The following SOD2 variants were observed in gnomAD, a reference collection of about 807,000 sequenced individuals.
SOD2 encodes the protein superoxide dismutase [Mn], mitochondrial.
Under a neutral mutation model 27.0 loss-of-function variants are expected in SOD2, and 11 were observed. That is an observed-to-expected ratio of 0.41 (90% confidence interval 0.26 to 0.67). The LOEUF (loss-of-function observed/expected upper bound fraction) is 0.67, where lower values mean the gene tolerates loss of function less well. Among genes scored for constraint, SOD2 ranks in the 30% least tolerant of loss-of-function variants. The pLI is 0.34. For missense variants in SOD2, 250 were observed against 274.5 expected (o/e 0.91, Z 0.63); for synonymous variants, 105 against 103.0 (o/e 1.02, Z -0.12).
At chr6:159,714,069 A>G (rs1283492316) in intron 1 of SOD2, 1 of 616,206 alleles carries the variant, frequency 1.6e-6, no homozygotes, top group Non-Finnish European at 3.0e-6. Flanking sequence ...TCTGCCTTCA[A>G]ATGGGCTATA....
intron 2 of SOD2, among the ~76,000 whole-genome samples, chr6:159,689,442 T>G (rs1303945906): frequency 6.6e-6 from 1 of 152,282 alleles, no homozygotes; most frequent in South Asian, 2.1e-4. Flanking sequence ...GTAGGCAAAA[T>G]AAAATAGTCT....
chr6:159,746,869 G>A (rs978541059), upstream of SOD2, among the ~76,000 whole-genome samples: 1 of 152,146 alleles, frequency 6.6e-6, no homozygotes, highest in African/African-American at 2.4e-5. Flanking sequence ...GAATGAAAGT[G>A]TTGACTATTG....
intron 1 of SOD2, among the ~76,000 whole-genome samples, chr6:159,698,882 C>G (rs1777477275): frequency 7.3e-6 from 1 of 137,166 alleles, no homozygotes; most frequent in Admixed American, 8.5e-5. Flanking sequence ...CTTCATCCTC[C>G]TCATCTTTAT....
intron 1 of SOD2, among the ~76,000 whole-genome samples, chr6:159,710,872 C>T (rs1014239560): frequency 6.7e-6 from 1 of 148,650 alleles, no homozygotes; most frequent in Admixed American, 6.8e-5. Context: ...CACTCAGCTG[C>T]TCTGACCTCC....
chr6:159,684,587 A>T (rs1423022828), intron 4 of SOD2, among the ~76,000 whole-genome samples: 2 of 152,364 alleles, frequency 1.3e-5, no homozygotes, highest in East Asian at 3.9e-4. Context: ...ACTGCACTCC[A>T]GCCTGGGCAA....
At chr6:159,710,613 C>T (rs888678479) in intron 1 of SOD2, among the ~76,000 whole-genome samples, 5 of 152,086 alleles carry the variant, frequency 3.3e-5, no homozygotes, top group Non-Finnish European at 7.4e-5. Flanking sequence ...TTTAGTGCTC[C>T]TTCTCTACCT....
Position 159,678,899 on chromosome 6 carries a change from C to T in SOD2, c.*3594G>A, listed in dbSNP as rs967871770. ...AGTATTGAGTGGTATGTGACAACAG[C>T]AAAAACACTTTGGTTTTGTCGTATA... On this transcript the variant is annotated 3_prime_UTR_variant, in exon 5 of 5. Transcript: ENST00000538183. The T allele has an allele frequency of 5.3e-5, 8 of 152,158 alleles. No individual in the cohort carries two copies. Among genetic ancestry groups the T allele is most frequent in the African/African-American group, 1.9e-4 (8 of 41,442 alleles). The allele number at this position is 152,158 out of a possible 1,614,324, so 9.4% of individuals were successfully genotyped here.
At chr6:159,700,815 G>A (rs922435047) in intron 1 of SOD2, among the ~76,000 whole-genome samples, 5 of 152,050 alleles carry the variant, frequency 3.3e-5, no homozygotes, top group Non-Finnish European at 7.4e-5. Context: ...TCTGGTCTCT[G>A]GGACATAACA....
At chr6:159,703,732 A>G (rs886823409) in intron 1 of SOD2, among the ~76,000 whole-genome samples, 8 of 152,244 alleles carry the variant, frequency 5.3e-5, no homozygotes, top group Admixed American at 5.2e-4. Context: ...TTTATGGGGT[A>G]CAAGAGCAAC....
intron 1 of SOD2, among the ~76,000 whole-genome samples, chr6:159,754,842 CT>C (rs1457474382): frequency 6.6e-6 from 1 of 152,116 alleles, no homozygotes; most frequent in African/African-American, 2.4e-5. Flanking sequence ...AAGTATCTGA[CT>C]TCCCCCAAAA....
intron 1 of SOD2, among the ~76,000 whole-genome samples, chr6:159,708,156 A>C (rs1336764135): frequency 6.6e-6 from 1 of 152,242 alleles, no homozygotes; most frequent in African/African-American, 2.4e-5. Context: ...ACCCACACCC[A>C]ATATCATACT....
At chr6:159,756,594 C>CTTTT (rs3066261) in intron 1 of SOD2, among the ~76,000 whole-genome samples, 13,931 of 94,058 alleles carry the variant, frequency 0.15, 1,325 homozygotes, top group Non-Finnish European at 0.17. Context: ...ATTTCTTAGG[C>CTTTT]TTTTTTTTTT....
intron 1 of SOD2, among the ~76,000 whole-genome samples, chr6:159,716,828 T>C (rs1777929553): frequency 6.6e-6 from 1 of 152,186 alleles, no homozygotes; most frequent in South Asian, 2.1e-4. Context: ...AGCACACTTG[T>C]TGAGAAACAC....
At chr6:159,733,481 G>A (rs1436576810) in intron 1 of SOD2, among the ~76,000 whole-genome samples, 1 of 152,038 alleles carries the variant, frequency 6.6e-6, no homozygotes, top group Non-Finnish European at 1.5e-5. Flanking sequence ...AATTAACTGG[G>A]TGTGGTGGCA....
chr6:159,752,547 AGT>A (rs1466481384), intron 1 of SOD2, among the ~76,000 whole-genome samples: 3 of 152,206 alleles, frequency 2.0e-5, no homozygotes, highest in Non-Finnish European at 4.4e-5. Flanking sequence ...ATCTGTGGAA[AGT>A]GTGACACTCC....
chr6:159,742,271 T>TA, intron 1 of SOD2: 3 of 731,620 alleles, frequency 4.1e-6, no homozygotes, highest in Admixed American at 6.3e-5. Flanking sequence ...GAACTGTACA[T>TA]AGGCACTGTG....
At chr6:159,713,396 G>GCTT in intron 1 of SOD2, 1 of 654,158 alleles carries the variant, frequency 1.5e-6, no homozygotes, top group Admixed American at 2.6e-5. Context: ...ACAGCCATGA[G>GCTT]CTTCTGAGAG....
chr6:159,747,856 AT>A (rs1779665742), upstream of SOD2, among the ~76,000 whole-genome samples: 1 of 151,722 alleles, frequency 6.6e-6, no homozygotes, highest in Non-Finnish European at 1.5e-5. Context: ...TGGAGATGTA[AT>A]CAAATGGCCT....
intron 1 of SOD2, among the ~76,000 whole-genome samples, chr6:159,717,999 T>C (rs1021048452): frequency 4.1e-4 from 62 of 151,910 alleles, no homozygotes; most frequent in African/African-American, 1.5e-3. Flanking sequence ...TCCTTTTCTC[T>C]TTCTTTCTGG....
Sources: gnomAD v4.1 joint callset for allele counts (sites outside exome capture counted in the v4.1 genomes callset) on GRCh38, gnomAD v4.1.1 for gene constraint, MANE v1.5 for transcripts, NCBI Gene and HGNC (gene_info 2026-07-23, HGNC 2026-07-21) for gene names.